The following C10orf88 variants were observed in gnomAD, a reference collection of about 807,000 sequenced individuals.
C10orf88 encodes the protein ATPase PAAT.
A neutral mutation model predicts 34.2 loss-of-function variants in C10orf88; 29 were observed. That is an observed-to-expected ratio of 0.85 (90% CI 0.63 to 1.16). The LOEUF (loss-of-function observed/expected upper bound fraction) is 1.16. C10orf88 is among the 50% of genes most tolerant of loss of function. The pLI is 0.00. For missense variants in C10orf88, 507 were observed against 533.2 expected (o/e 0.95, Z 0.48); for synonymous variants, 194 against 197.4 (o/e 0.98, Z 0.15).
chr10:122,945,442 C>G (rs1388107043), intron 4 of C10orf88, among the ~76,000 whole-genome samples: 1 of 151,970 alleles, frequency 6.6e-6, no homozygotes, highest in Non-Finnish European at 1.5e-5. Flanking sequence ...GTAAAACCAC[C>G]TCAGGCAGGT....
chr10:122,944,657 T>G (rs918455521), intron 4 of C10orf88, among the ~76,000 whole-genome samples: 1 of 152,164 alleles, frequency 6.6e-6, no homozygotes, highest in South Asian at 2.1e-4. Flanking sequence ...GGAATCTGCA[T>G]TTTGAAGACC....
chr10:122,941,687 A>G (rs924384690), intron 4 of C10orf88, among the ~76,000 whole-genome samples: 9 of 152,140 alleles, frequency 5.9e-5, no homozygotes, highest in African/African-American at 2.2e-4. Context: ...GAATCACTCC[A>G]TAAATAAGGA....
intron 5 of C10orf88, among the ~76,000 whole-genome samples, chr10:122,934,495 T>C (rs768589522): frequency 2.8e-4 from 43 of 152,312 alleles, no homozygotes; most frequent in East Asian, 9.6e-4. Context: ...CTTTGAGAGA[T>C]GTCCAAGTTG....
chr10:122,938,977 T>C (rs1475743253), intron 4 of C10orf88, among the ~76,000 whole-genome samples: 3 of 152,030 alleles, frequency 2.0e-5, no homozygotes, highest in African/African-American at 7.2e-5. Flanking sequence ...CTACTATAGA[T>C]TCTTATCAGG....
At chr10:122,946,397 A>G (rs2133334448) in intron 4 of C10orf88, among the ~76,000 whole-genome samples, 1 of 152,292 alleles carries the variant, frequency 6.6e-6, no homozygotes, top group Middle Eastern at 3.4e-3. Context: ...ATAACTGCCT[A>G]GAGTATTCTG....
At chr10:122,946,944 T>A (rs1236445935) in intron 4 of C10orf88, among the ~76,000 whole-genome samples, 1 of 151,718 alleles carries the variant, frequency 6.6e-6, no homozygotes, top group African/African-American at 2.4e-5. Flanking sequence ...GGAGATGAGG[T>A]TGAGAAGGCA....
chr10:122,937,020 C>T (rs1848539689), intron 5 of C10orf88, among the ~76,000 whole-genome samples: 1 of 151,938 alleles, frequency 6.6e-6, no homozygotes, highest in South Asian at 2.1e-4. Context: ...GTTACAAAAT[C>T]ATCCAACTAC....
chr10:122,937,233 G>A (rs888692092), intron 5 of C10orf88, among the ~76,000 whole-genome samples: 1 of 151,744 alleles, frequency 6.6e-6, no homozygotes, highest in Non-Finnish European at 1.5e-5. Flanking sequence ...AAGAGACTGG[G>A]GATAATAGCT....
chr10:122,935,107 C>A (rs1848522407), intron 5 of C10orf88, among the ~76,000 whole-genome samples: 1 of 151,950 alleles, frequency 6.6e-6, no homozygotes, highest in Non-Finnish European at 1.5e-5. Flanking sequence ...GAATTTCTCC[C>A]AGTCTGTATT....
intron 3 of C10orf88, 119 bp downstream of exon 3, chr10:122,951,835 G>GAA: frequency 2.4e-5 from 14 of 595,662 alleles, no homozygotes; most frequent in East Asian, 6.6e-5. Context: ...GTCTTGAAAA[G>GAA]AAAAAAAAAA....
chr10:122,948,758 A>G lies in C10orf88; in HGVS notation c.539T>C (p.Leu180Pro). The G allele has an allele frequency of 6.2e-7, 1 of 1,613,972 alleles. No homozygotes were observed. Among genetic ancestry groups the G allele is most frequent in the Non-Finnish European group, 8.5e-7 (1 of 1,179,854 alleles). ...FANSSTSSPA[L>P]GSRIDLDKVQ... ...CTTGTCAAGGTCTATCCTTGATCCT[A>G]GAGCAGGAGAGCTTGTTGAAGAATT... is the stretch of plus-strand genomic sequence containing the variant. Residue 180 changes from leucine (L) to proline (P), a missense_variant, in exon 4 of 6, where the codon CTA becomes CCA. Leu to Pro is a moderately conservative substitution (Grantham distance 98, BLOSUM62 -3). Coordinates refer to ENST00000481909, the MANE Select transcript of C10orf88 (RefSeq NM_024942.4).
At chr10:122,942,768 T>C (rs1848597992) in intron 4 of C10orf88, among the ~76,000 whole-genome samples, 1 of 151,210 alleles carries the variant, frequency 6.6e-6, no homozygotes, top group Non-Finnish European at 1.5e-5. Context: ...TGAACTCCCA[T>C]TCACAATTGC....
At chr10:122,946,440 G>T (rs1028945419) in intron 4 of C10orf88, among the ~76,000 whole-genome samples, 1 of 152,074 alleles carries the variant, frequency 6.6e-6, no homozygotes, top group African/African-American at 2.4e-5. Context: ...TCGTAACCTA[G>T]GTACGTAGTA....
chr10:122,953,159 G>T (rs529519060), intron 1 of C10orf88, 127 bp from the exon 2 acceptor site: 9 of 731,254 alleles, frequency 1.2e-5, no homozygotes, highest in Non-Finnish European at 1.8e-5. Flanking sequence ...CTCACTGCAC[G>T]CTCCGCCTTC....
intron 5 of C10orf88, among the ~76,000 whole-genome samples, chr10:122,936,389 A>G (rs1314925939): frequency 6.6e-6 from 1 of 151,808 alleles, no homozygotes; most frequent in African/African-American, 2.4e-5. Flanking sequence ...ATTTTATTGA[A>G]ATTTTCAAAG....
At chr10:122,947,535 T>C (rs1848651003) in intron 4 of C10orf88, among the ~76,000 whole-genome samples, 1 of 152,184 alleles carries the variant, frequency 6.6e-6, no homozygotes, top group African/African-American at 2.4e-5. Flanking sequence ...CTGCCTTCTA[T>C]GTTTCTGGTT....
chr10:122,950,938 C>A (rs926584471), intron 3 of C10orf88, among the ~76,000 whole-genome samples: 2 of 152,218 alleles, frequency 1.3e-5, no homozygotes, highest in African/African-American at 4.8e-5. Context: ...AGGTTTCAAT[C>A]TTCTATAAGT....
Position 122,954,145 on chromosome 10 carries a change from G to T in C10orf88, c.34C>A (p.Arg12Ser). The change falls in exon 1 of 6, where the codon CGC (arginine) becomes AGC (serine). Residue 12 changes from arginine to serine, a missense_variant. Coordinates refer to ENST00000481909, the MANE Select transcript of C10orf88 (RefSeq NM_024942.4). ...CAAGAAGAGGCCAGCGTGGGGCGGC[G>T]GGTGAGGCCCCCGTCCTCGGTCCGC... Reference protein sequence around the residue: ...ETRTEDGGLTRRPTLASSWDV... With the variant: ...ETRTEDGGLTSRPTLASSWDV... 1 of 1,583,364 alleles carries T rather than the reference G, an allele frequency of 6.3e-7. No homozygotes were observed.
intron 2 of C10orf88, among the ~76,000 whole-genome samples, 172 bp downstream of exon 2, chr10:122,952,657 C>T (rs1428568500): frequency 6.6e-6 from 1 of 152,244 alleles, no homozygotes; most frequent in Admixed American, 6.5e-5. Context: ...GGCTGATCTA[C>T]ACTGTCTTTT....
Sources: allele counts gnomAD v4.1 joint callset (sites outside exome capture counted in the v4.1 genomes callset), GRCh38; gene constraint gnomAD v4.1.1; transcripts MANE v1.5; gene names NCBI Gene and HGNC (gene_info 2026-07-23, HGNC 2026-07-21).